Variants in HPSE2 observed in about 807,000 individuals in gnomAD.
HPSE2 encodes the protein inactive heparanase-2.
A neutral mutation model predicts 60.5 loss-of-function variants in HPSE2; 38 were observed. The observed-to-expected ratio is 0.63, with a 90% CI of 0.48 to 0.82. The LOEUF (loss-of-function observed/expected upper bound fraction) is 0.82. HPSE2 is among the 40% of genes least tolerant of loss of function. The pLI is 0.00. For missense variants in HPSE2, 713 were observed against 740.4 expected (o/e 0.96, Z 0.43); for synonymous variants, 295 against 293.2 (o/e 1.01, Z -0.06).
intron 2 of HPSE2, among the ~76,000 whole-genome samples, chr10:99,193,839 A>G (rs750057986): frequency 8.5e-5 from 13 of 152,308 alleles, no homozygotes; most frequent in Non-Finnish European, 1.8e-4. Context: ...ATACAATAGT[A>G]GCTGGAGACT....
In HPSE2 at chr10:98,482,768, C is replaced by A. The variant is rs200525907; in HGVS notation, c.1481G>T (p.Arg494Leu). The A allele has an allele frequency of 2.5e-6, 4 of 1,613,972 alleles. No homozygotes were observed. The highest frequency in any genetic ancestry group is 2.5e-6 in the Non-Finnish European group (3 of 1,180,022). The change falls in exon 11 of 12, where the codon CGT (arginine) becomes CTT (leucine). Residue 494 changes from arginine to leucine, a missense_variant. Transcript: ENST00000370552. ...CTNHHNHNYV[R>L]GSITLFIINL... ...GATGATAAAAAGTGTAATGGACCCACGAACGTAGTTGTGGCTGAGATCCAG... is the reference window on the plus strand; with the variant it reads ...GATGATAAAAAGTGTAATGGACCCAAGAACGTAGTTGTGGCTGAGATCCAG...
intron 3 of HPSE2, among the ~76,000 whole-genome samples, chr10:98,858,894 C>T (rs1457031463): frequency 6.6e-6 from 1 of 152,174 alleles, no homozygotes; most frequent in Non-Finnish European, 1.5e-5. Flanking sequence ...CTATAGTCCA[C>T]ATGCTAACTC....
At position 98,577,148 on chromosome 10, in the gene HPSE2, C is replaced by T. The variant is rs374949946; in HGVS notation, c.1320+37756G>A. Among the ~76,000 whole-genome samples, 71 of 152,188 alleles carry T rather than the reference C, an allele frequency of 4.7e-4. No homozygotes were observed. In the East Asian group the frequency reaches 0.01, roughly 22 times the overall value. The stretch of plus-strand genomic sequence containing the variant: ...AATACATAGTTATCCATGATACCCA[C>T]CGAGAATGGAAACCATCCACAGGCA... On this transcript the variant is annotated intron_variant, in intron 9 of 11. Transcript: ENST00000370552.
chr10:99,132,734 C>T (rs1845492379), intron 3 of HPSE2, among the ~76,000 whole-genome samples: 1 of 152,200 alleles, frequency 6.6e-6, no homozygotes, highest in South Asian at 2.1e-4. Context: ...CGGTTTTCAA[C>T]ACCCGCAAAC....
chr10:99,298,669 C>CTTTTTTTTTTTTTTTTTTT, the HPSE2 span, among the ~76,000 whole-genome samples: 1 of 144,090 alleles, frequency 6.9e-6, no homozygotes. Context: ...TATGTATAGG[C>CTTTTTTTTTTTTTTTTTTT]TTTTTTTTTT....
At chr10:99,124,347 C>A (rs1029024854) in intron 3 of HPSE2, among the ~76,000 whole-genome samples, 1 of 152,208 alleles carries the variant, frequency 6.6e-6, no homozygotes, top group Middle Eastern at 3.2e-3. Flanking sequence ...GAACTCACAG[C>A]CTGGCCCCCA....
intron 3 of HPSE2, among the ~76,000 whole-genome samples, chr10:98,799,340 G>A (rs1280370208): frequency 6.6e-6 from 1 of 152,044 alleles, no homozygotes; most frequent in Non-Finnish European, 1.5e-5. Flanking sequence ...CATAATAGCT[G>A]GAGACTTCAA....
chr10:99,073,939 GTTT>G (rs34409713), intron 3 of HPSE2, among the ~76,000 whole-genome samples: 2 of 127,904 alleles, frequency 1.6e-5, no homozygotes, highest in Non-Finnish European at 1.6e-5. Flanking sequence ...AGTTCCAAAA[GTTT>G]TTTTTTTTTT....
intron 9 of HPSE2, among the ~76,000 whole-genome samples, chr10:98,501,673 C>T (rs1208232859): frequency 1.3e-5 from 2 of 152,136 alleles, no homozygotes; most frequent in Non-Finnish European, 2.9e-5. Context: ...CACTCCTCTT[C>T]AACATAGTAT....
At chr10:99,312,692 G>A in the HPSE2 span, among the ~76,000 whole-genome samples, 1 of 152,210 alleles carries the variant, frequency 6.6e-6, no homozygotes, top group Admixed American at 6.5e-5. Flanking sequence ...CATCCATTCT[G>A]TAGCCTATGG....
chr10:98,534,136 G>A (rs1300509582), intron 9 of HPSE2, among the ~76,000 whole-genome samples: 2 of 152,176 alleles, frequency 1.3e-5, no homozygotes, highest in Non-Finnish European at 2.9e-5. Context: ...TGATATGGAG[G>A]AATGGGTGGC....
intron 7 of HPSE2, among the ~76,000 whole-genome samples, chr10:98,622,502 A>G (rs930282629): frequency 2.6e-5 from 4 of 152,252 alleles, no homozygotes; most frequent in African/African-American, 7.2e-5. Flanking sequence ...CCATGGGTAC[A>G]TAGACATCAA....
rs1228338817 is a variant in HPSE2, at chr10:98,693,920, T to C, written c.984A>G (p.Val328=). The C allele has an allele frequency of 1.9e-6, 3 of 1,613,234 alleles. No individual in the cohort carries two copies. Among genetic ancestry groups the C allele is most frequent in the Non-Finnish European group, 2.5e-6 (3 of 1,179,308 alleles). Residue 328 remains valine, a synonymous_variant, in exon 6 of 12, where the codon GTA becomes GTG. Coordinates refer to ENST00000370552, the MANE Select transcript of HPSE2 (RefSeq NM_021828.5). The stretch of plus-strand genomic sequence containing the variant: ...CCTACTGTTGCCAGGTAACTGCATC[T>C]ACTGTACTTCCTGCCACCTTCATGA... The part of the protein sequence containing the change: ...DGFMKVAGST[V]DAVTWQHCYI...
chr10:99,259,212 G>A, the HPSE2 span, among the ~76,000 whole-genome samples: 409 of 151,518 alleles, frequency 2.7e-3, 2 homozygotes, highest in African/African-American at 5.3e-3. Flanking sequence ...AGGCTGAGGC[G>A]GGAGAATTGC....
At chr10:98,970,397 C>A (rs1249699565) in intron 3 of HPSE2, among the ~76,000 whole-genome samples, 2 of 152,192 alleles carry the variant, frequency 1.3e-5, no homozygotes, top group African/African-American at 4.8e-5. Context: ...GCCCCACTTC[C>A]AACACCAGAG....
chr10:99,298,568 C>T, the HPSE2 span, among the ~76,000 whole-genome samples: 4 of 152,114 alleles, frequency 2.6e-5, no homozygotes, highest in African/African-American at 9.7e-5. Context: ...AGCAAATCAA[C>T]AAATCTGGCC....
At chr10:98,989,929 C>T (rs1048280673) in intron 3 of HPSE2, among the ~76,000 whole-genome samples, 2 of 152,132 alleles carry the variant, frequency 1.3e-5, no homozygotes, top group Non-Finnish European at 2.9e-5. Flanking sequence ...CAAAGAAGCT[C>T]CCTAGTGATG....
chr10:99,049,969 T>G (rs1021255680), intron 3 of HPSE2, among the ~76,000 whole-genome samples: 1 of 152,118 alleles, frequency 6.6e-6, no homozygotes, highest in African/African-American at 2.4e-5. Context: ...AAATGGCTAA[T>G]AAGCACATGA....
At chr10:98,537,712 C>T (rs1052017735) in intron 9 of HPSE2, among the ~76,000 whole-genome samples, 38 of 152,224 alleles carry the variant, frequency 2.5e-4, no homozygotes, top group African/African-American at 6.5e-4. Context: ...CTTAGCAGAC[C>T]GCGAAAGGGA....
Sources: allele counts gnomAD v4.1 joint callset (sites outside exome capture counted in the v4.1 genomes callset), GRCh38; gene constraint gnomAD v4.1.1; transcripts MANE v1.5; gene names NCBI Gene and HGNC (gene_info 2026-07-23, HGNC 2026-07-21).